Variants in PLEKHA5 observed in about 807,000 individuals in gnomAD.
PLEKHA5 encodes pleckstrin homology domain containing A5, also known as pleckstrin homology domain-containing family A member 5.
A neutral mutation model predicts 181.9 loss-of-function variants in PLEKHA5; 55 were observed. The observed-to-expected ratio is 0.30, with a 90% CI of 0.24 to 0.38. The LOEUF (loss-of-function observed/expected upper bound fraction) is 0.38, where lower values mean the gene tolerates loss of function less well. Ranked by LOEUF, PLEKHA5 falls within the 10% of genes least tolerant of loss-of-function variation. The pLI is 1.00. For synonymous variants in PLEKHA5, 535 were observed against 529.4 expected (o/e 1.01, Z -0.15); for missense variants, 1,432 against 1,549.5 (o/e 0.92, Z 1.27).
rs56086557 is a variant in PLEKHA5 at position 19,167,405 on chromosome 12, ATTTTTTTTTTTTTTTTT to A, written c.227+34968_227+34984del. On this transcript the variant is annotated intron_variant, in intron 3 of 31. Coordinates refer to ENST00000429027, the MANE Select transcript of PLEKHA5 (RefSeq NM_001256470.2). ...CACTCTGCAAGTCTTCTGAGGCTTA[ATTTTTTTTTTTTTTTTT>A]TTTTTTTTTTTTGCTTTGGAAGCAT... Among the ~76,000 whole-genome samples the A allele has an allele frequency of 5.5e-5, 5 of 91,232 alleles. No homozygotes were observed. In the East Asian group the frequency reaches 1.5e-3, roughly 27 times the overall value. 59.9% of individuals were successfully genotyped at this position (91,232 alleles called of 152,430 possible).
At chr12:19,258,428 G>A (rs1176205320) in intron 6 of PLEKHA5, among the ~76,000 whole-genome samples, 4 of 151,802 alleles carry the variant, frequency 2.6e-5, no homozygotes, top group East Asian at 1.9e-4. Context: ...TTGCTTTCAG[G>A]TGACCTAATG....
At chr12:19,252,438 CTATT>C (rs1235957805) in intron 3 of PLEKHA5, among the ~76,000 whole-genome samples, 29 of 152,106 alleles carry the variant, frequency 1.9e-4, no homozygotes, top group African/African-American at 6.0e-4. Flanking sequence ...TTATTATAGA[CTATT>C]TAATATATCA....
At chr12:19,329,075 T>C (rs1206716768) in intron 20 of PLEKHA5, among the ~76,000 whole-genome samples, 1 of 152,220 alleles carries the variant, frequency 6.6e-6, no homozygotes, top group African/African-American at 2.4e-5. Flanking sequence ...CAAAAGCCTT[T>C]TCCATGTCTA....
intron 3 of PLEKHA5, among the ~76,000 whole-genome samples, chr12:19,226,033 T>C (rs972069613): frequency 1.3e-5 from 2 of 152,228 alleles, no homozygotes; most frequent in Non-Finnish European, 2.9e-5. Flanking sequence ...ATTCATATCG[T>C]GTAAAAGTAA....
intron 5 of PLEKHA5, 56 bp downstream of exon 5, chr12:19,255,221 G>T: frequency 9.3e-7 from 1 of 1,069,936 alleles, no homozygotes. Flanking sequence ...TATCTATACC[G>T]TTACTCATAA....
At chr12:19,293,848 G>C (rs1363208918) in intron 15 of PLEKHA5, among the ~76,000 whole-genome samples, 1 of 152,112 alleles carries the variant, frequency 6.6e-6, no homozygotes, top group Non-Finnish European at 1.5e-5. Flanking sequence ...CCTAGACCTC[G>C]TTGAGGTTCA....
chr12:19,329,685 T>A (rs761028255), intron 20 of PLEKHA5, among the ~76,000 whole-genome samples: 1 of 152,192 alleles, frequency 6.6e-6, no homozygotes, highest in African/African-American at 2.4e-5. Context: ...TAATGTCATC[T>A]TTGTTGCTTC....
chr12:19,334,859 T>A (rs1259877158), intron 20 of PLEKHA5, among the ~76,000 whole-genome samples: 2 of 65,432 alleles, frequency 3.1e-5, no homozygotes, highest in South Asian at 5.4e-4. Flanking sequence ...TATATATATA[T>A]ATATATATAT....
In PLEKHA5 at chr12:19,369,787, G is replaced by A. The variant is rs756169209; in HGVS notation, c.3849G>A (p.Ter1283=). The A allele has an allele frequency of 1.9e-6, 3 of 1,583,622 alleles. No homozygotes were observed. The East Asian group carries it at 6.7e-5, about 35-fold the overall frequency. ...AAGGATCACATTTCATGTGTGTGTA[G>A]TCTTAGAAGAAGTACGTCATTTCCC... ...LTEGSHFMCV[*] is the part of the protein sequence containing the mutation. The change falls in exon 31 of 32, where the codon TAG becomes TAA. Residue 1283 remains the stop codon, a stop_retained_variant. Transcript: ENST00000429027.
intron 10 of PLEKHA5, 70 bp from the exon 11 acceptor site, chr12:19,274,446 A>T: frequency 9.1e-7 from 1 of 1,095,210 alleles, no homozygotes; most frequent in Non-Finnish European, 1.3e-6. Flanking sequence ...AATTTTTCCT[A>T]GATTGAATCC....
At chr12:19,340,761 C>T (rs1301771771) in intron 21 of PLEKHA5, among the ~76,000 whole-genome samples, 7 of 147,652 alleles carry the variant, frequency 4.7e-5, no homozygotes, top group African/African-American at 1.7e-4. Context: ...GCAGCATGCT[C>T]GTTAAGAGTC....
rs571289032 is a variant in PLEKHA5 at position 19,137,114 on chromosome 12, C to T, written c.227+4664C>T. On this transcript the variant is annotated intron_variant, in intron 3 of 31. Transcript: ENST00000429027. The stretch of plus-strand genomic sequence containing the variant: ...GCTGGCATGATCTCAGCTCACGCAA[C>T]GTCCACCTCCCGGGTTCAAGCAGTT... Among the ~76,000 whole-genome samples the T allele has an allele frequency of 5.3e-5, 8 of 152,064 alleles. No homozygotes were observed. The East Asian group carries it at 1.4e-3, about 26-fold the overall frequency.
chr12:19,260,021 T>C (rs2067996172), intron 6 of PLEKHA5, among the ~76,000 whole-genome samples: 1 of 152,022 alleles, frequency 6.6e-6, no homozygotes, highest in African/African-American at 2.4e-5. Flanking sequence ...TTTTGCTACA[T>C]TGCATATGGG....
At chr12:19,268,347 T>G (rs1348640750) in intron 8 of PLEKHA5, among the ~76,000 whole-genome samples, 1 of 152,224 alleles carries the variant, frequency 6.6e-6, no homozygotes. Flanking sequence ...TAGGACTTTT[T>G]TCTGCGTTTT....
At chr12:19,173,214 G>A (rs1384530496) in intron 3 of PLEKHA5, among the ~76,000 whole-genome samples, 2 of 149,348 alleles carry the variant, frequency 1.3e-5, no homozygotes, top group East Asian at 2.0e-4. Context: ...TAGTAGAGAC[G>A]GGGTTTCACC....
chr12:19,136,487 C>T (rs932203812), intron 3 of PLEKHA5, among the ~76,000 whole-genome samples: 3 of 152,120 alleles, frequency 2.0e-5, no homozygotes, highest in Admixed American at 6.5e-5. Flanking sequence ...AAATCTTATA[C>T]GTTTGAGTTA....
chr12:19,139,071 C>G (rs922850334), intron 3 of PLEKHA5, among the ~76,000 whole-genome samples: 2 of 149,820 alleles, frequency 1.3e-5, no homozygotes, highest in Non-Finnish European at 3.0e-5. Context: ...TGGGTAGTTA[C>G]TTGAACTAAG....
chr12:19,335,383 A>C (rs1037427029), intron 20 of PLEKHA5, among the ~76,000 whole-genome samples: 3 of 151,738 alleles, frequency 2.0e-5, no homozygotes, highest in Non-Finnish European at 4.4e-5. Context: ...GAATATACAA[A>C]ATAAGATAGC....
At chr12:19,324,662 A>G (rs776700546) in intron 20 of PLEKHA5, among the ~76,000 whole-genome samples, 4 of 152,218 alleles carry the variant, frequency 2.6e-5, no homozygotes, top group Admixed American at 1.3e-4. Flanking sequence ...ATTTGGATAC[A>G]ATGAGAAGAG....
Sources: gnomAD v4.1 joint callset for allele counts (sites outside exome capture counted in the v4.1 genomes callset) on GRCh38, gnomAD v4.1.1 for gene constraint, MANE v1.5 for transcripts, NCBI Gene and HGNC (gene_info 2026-07-23, HGNC 2026-07-21) for gene names.